NCAM1: variants seen among roughly 807,000 people sequenced by gnomAD.
The protein encoded by NCAM1 is neural cell adhesion molecule 1, also known as antigen recognized by monoclonal antibody 5.1H11.
Under a neutral mutation model 109.8 loss-of-function variants are expected in NCAM1, and 14 were observed. The observed-to-expected ratio is 0.13, with a 90% CI of 0.08 to 0.20. NCAM1 has a LOEUF of 0.20. Ranked by LOEUF, NCAM1 falls within the 10% of genes least tolerant of loss-of-function variation. NCAM1 has a pLI of 1.00. For missense variants in NCAM1, 774 were observed against 1,109.9 expected, an observed-to-expected ratio of 0.70 and a Z score of 4.30; for synonymous variants, 418 against 442.9, an observed-to-expected ratio of 0.94 and a Z score of 0.70.
At chr11:113,263,511 A>T (rs1946064182) in intron 17 of NCAM1, 1 of 985,646 alleles carries the variant, frequency 1.0e-6, no homozygotes. Flanking sequence ...ATGCACTGGA[A>T]AAAAAGTTGA....
At chr11:112,987,494 C>A (rs1555069866) in intron 1 of NCAM1, among the ~76,000 whole-genome samples, 1 of 152,070 alleles carries the variant, frequency 6.6e-6, no homozygotes. Context: ...ATATTGAGGT[C>A]TCTTATTATT....
intron 1 of NCAM1, among the ~76,000 whole-genome samples, chr11:112,976,836 T>C (rs148927636): frequency 3.9e-4 from 59 of 152,048 alleles, no homozygotes; most frequent in African/African-American, 1.3e-3. Context: ...ACTATATCTG[T>C]AGAAGTTGTT....
chr11:113,073,972 A>C lies in NCAM1; in HGVS notation c.52+112308A>C, dbSNP rs539422678. ...AGTGCCTAGCTGTTTTCTGAGTGGG[A>C]GTTGATTTCTGCTGTTGAGTAAATA... On this transcript the variant is annotated intron_variant, in intron 1 of 19. Transcript: ENST00000316851. Among the ~76,000 whole-genome samples the C allele has an allele frequency of 2.0e-5, 3 of 152,290 alleles. No homozygotes were observed. In the South Asian group the frequency reaches 6.2e-4, roughly 32 times the overall value.
chr11:113,013,125 T>C (rs1591246348), intron 1 of NCAM1, among the ~76,000 whole-genome samples: 1 of 151,212 alleles, frequency 6.6e-6, no homozygotes, highest in Middle Eastern at 3.4e-3. Flanking sequence ...AATAAAAACA[T>C]TTTTTAAGAA....
intron 1 of NCAM1, among the ~76,000 whole-genome samples, chr11:112,997,402 A>G (rs1555071612): frequency 6.6e-6 from 1 of 152,182 alleles, no homozygotes; most frequent in East Asian, 1.9e-4. Flanking sequence ...TTAGGGGGTG[A>G]ATTTTCAAAA....
chr11:113,273,255 T>G lies in NCAM1; in HGVS notation c.2456+1379T>G, dbSNP rs1946327058. Reference sequence around the variant, plus strand: ...AACCCCTGCCGCTAGCAATTTGTCTTCTAGTGTCCTGGCTAACCAAGGGGC... The same window carrying G: ...AACCCCTGCCGCTAGCAATTTGTCTGCTAGTGTCCTGGCTAACCAAGGGGC... On this transcript the variant is annotated intron_variant, in intron 19 of 19. Transcript: ENST00000316851. This position sits in a 1 kb window ranked among gnomAD's most constrained non-coding sequence, Gnocchi z 6.0. 2.8e-6 allele frequency: 1 copy of G among 359,356 alleles called. No homozygotes were observed. The highest frequency in any genetic ancestry group is 5.5e-6 in the Non-Finnish European group (1 of 181,596). The allele number at this position is 359,356 out of a possible 1,614,324, so 22.3% of individuals were successfully genotyped here.
intron 1 of NCAM1, among the ~76,000 whole-genome samples, chr11:113,066,381 A>G (rs1401634205): frequency 3.3e-5 from 5 of 152,208 alleles, no homozygotes; most frequent in African/African-American, 1.2e-4. Flanking sequence ...TTGCTTCACT[A>G]ATTACGTAAG....
At chr11:113,116,569 T>C (rs954978606) in intron 1 of NCAM1, among the ~76,000 whole-genome samples, 1 of 152,262 alleles carries the variant, frequency 6.6e-6, no homozygotes, top group Non-Finnish European at 1.5e-5. Flanking sequence ...TTTGGAGTTA[T>C]TTAAATTTAT....
At chr11:113,154,152 C>G (rs1007156614) in intron 1 of NCAM1, among the ~76,000 whole-genome samples, 3 of 152,188 alleles carry the variant, frequency 2.0e-5, no homozygotes, top group Non-Finnish European at 2.9e-5. Flanking sequence ...TCAGACATTT[C>G]CAGCCAAAGT....
At chr11:113,255,773 G>A (rs1555122171) in intron 15 of NCAM1, 104 bp from the exon 16 acceptor site, 2 of 1,294,824 alleles carry the variant, frequency 1.5e-6, no homozygotes, top group Non-Finnish European at 1.1e-6. Flanking sequence ...TTCTGAGAAA[G>A]CAAGAAAAGT....
intron 1 of NCAM1, among the ~76,000 whole-genome samples, chr11:113,153,490 G>A (rs1312140502): frequency 6.6e-6 from 1 of 152,060 alleles, no homozygotes; most frequent in Non-Finnish European, 1.5e-5. Context: ...GTGTGTGTGT[G>A]TATGTGGCAA....
At chr11:113,143,595 T>A (rs1941909182) in intron 1 of NCAM1, among the ~76,000 whole-genome samples, 1 of 152,184 alleles carries the variant, frequency 6.6e-6, no homozygotes, top group Admixed American at 6.5e-5. Context: ...GCACTGGTAA[T>A]GGATTATAAT....
chr11:113,189,515 C>T (rs1156598647), intron 1 of NCAM1, among the ~76,000 whole-genome samples: 3 of 151,262 alleles, frequency 2.0e-5, no homozygotes, highest in African/African-American at 7.3e-5. Flanking sequence ...TAGAAGGAGA[C>T]TTAGCTGCCA....
intron 1 of NCAM1, among the ~76,000 whole-genome samples, chr11:113,051,032 A>G (rs192516925): frequency 6.6e-6 from 1 of 152,222 alleles, no homozygotes; most frequent in East Asian, 1.9e-4. Context: ...CATACAACAC[A>G]CTGCTATAGG....
chr11:113,044,610 G>A (rs1299091192), intron 1 of NCAM1, among the ~76,000 whole-genome samples: 6 of 151,992 alleles, frequency 3.9e-5, no homozygotes, highest in African/African-American at 1.4e-4. Context: ...ACTTGAATCT[G>A]GGAGGCGGAG....
At chr11:112,989,700 G>A (rs1565367465) in intron 1 of NCAM1, among the ~76,000 whole-genome samples, 1 of 152,004 alleles carries the variant, frequency 6.6e-6, no homozygotes, top group African/African-American at 2.4e-5. Flanking sequence ...TATCCCTGTC[G>A]TCTTGTGTTG....
At chr11:113,053,236 C>G (rs961657642) in intron 1 of NCAM1, among the ~76,000 whole-genome samples, 1 of 152,154 alleles carries the variant, frequency 6.6e-6, no homozygotes, top group East Asian at 1.9e-4. Context: ...AGGACATGAT[C>G]TCATTCCTTT....
chr11:113,032,970 C>T (rs1051877085), intron 1 of NCAM1, among the ~76,000 whole-genome samples: 2 of 152,142 alleles, frequency 1.3e-5, no homozygotes, highest in Non-Finnish European at 2.9e-5. Flanking sequence ...AGGTTCTTGC[C>T]TCCCATAATT....
At chr11:113,116,690 A>C (rs1940728070) in intron 1 of NCAM1, among the ~76,000 whole-genome samples, 1 of 152,088 alleles carries the variant, frequency 6.6e-6, no homozygotes, top group Non-Finnish European at 1.5e-5. Flanking sequence ...AGCTGCCTCC[A>C]GACAAGGCTG....
Sources: allele counts gnomAD v4.1 joint callset (sites outside exome capture counted in the v4.1 genomes callset), GRCh38; gene constraint gnomAD v4.1.1; non-coding constraint Gnocchi (gnomAD v3.1); transcripts MANE v1.5; gene names NCBI Gene and HGNC (gene_info 2026-07-23, HGNC 2026-07-21).